LIMA1: variants seen among roughly 807,000 people sequenced by gnomAD.
LIMA1 encodes LIM domain and actin binding 1.
A neutral mutation model predicts 62.6 loss-of-function variants in LIMA1; 52 were observed. That is an observed-to-expected ratio of 0.83 (90% confidence interval 0.67 to 1.05). The LOEUF (loss-of-function observed/expected upper bound fraction) is 1.05, where lower values mean the gene tolerates loss of function less well. Among genes scored for constraint, LIMA1 ranks in the 50% least tolerant of loss-of-function variants. The pLI, the probability that LIMA1 is intolerant of heterozygous loss-of-function variation, is 0.00. For synonymous variants in LIMA1, 302 were observed against 317.8 expected, an observed-to-expected ratio of 0.95 and a Z score of 0.53; for missense variants, 780 against 902.2, an observed-to-expected ratio of 0.86 and a Z score of 1.74.
intron 1 of LIMA1, among the ~76,000 whole-genome samples, chr12:50,258,841 T>G (rs1307207955): frequency 6.6e-6 from 1 of 151,332 alleles, no homozygotes; most frequent in Non-Finnish European, 1.5e-5. Flanking sequence ...AGAGACAGGG[T>G]TTCACCATGT....
intron 6 of LIMA1, among the ~76,000 whole-genome samples, chr12:50,203,290 C>T (rs906153784): frequency 6.6e-5 from 10 of 151,816 alleles, no homozygotes; most frequent in African/African-American, 1.9e-4. Flanking sequence ...GTTGGGATTA[C>T]GGTGTGAGCT....
intron 9 of LIMA1, among the ~76,000 whole-genome samples, chr12:50,183,282 G>A (rs1940547908): frequency 6.6e-6 from 1 of 152,106 alleles, no homozygotes; most frequent in Non-Finnish European, 1.5e-5. Context: ...AGGTGTATGG[G>A]AGTTAACCCT....
At chr12:50,183,703 C>A (rs993142565) in intron 9 of LIMA1, among the ~76,000 whole-genome samples, 1 of 143,672 alleles carries the variant, frequency 7.0e-6, no homozygotes, top group Non-Finnish European at 1.5e-5. Context: ...CCCAGCTACT[C>A]GGGAGGCTGA....
chr12:50,267,886 C>T (rs1052382469), intron 1 of LIMA1, among the ~76,000 whole-genome samples: 3 of 151,988 alleles, frequency 2.0e-5, no homozygotes, highest in African/African-American at 7.3e-5. Context: ...AAACTCCTAG[C>T]CTCAACCTAT....
intron 9 of LIMA1, chr12:50,188,983 T>C (rs1450285278): frequency 1.3e-5 from 2 of 152,210 alleles, no homozygotes; most frequent in African/African-American, 4.8e-5. Context: ...GAGAGGAAAG[T>C]AACCCTGTGG....
intron 4 of LIMA1, among the ~76,000 whole-genome samples, chr12:50,215,363 C>T (rs911798730): frequency 1.3e-5 from 2 of 152,046 alleles, no homozygotes; most frequent in African/African-American, 4.8e-5. Flanking sequence ...TGGGAGTCTA[C>T]GGGGAGAGGT....
At chr12:50,222,705 A>C (rs1941469106) in intron 3 of LIMA1, 1 of 1,463,530 alleles carries the variant, frequency 6.8e-7, no homozygotes, top group African/African-American at 1.4e-5. Context: ...TGAAGCAGGA[A>C]GTGATAAAAC....
chr12:50,257,040 T>A (rs1380969917), intron 1 of LIMA1, among the ~76,000 whole-genome samples: 1 of 152,194 alleles, frequency 6.6e-6, no homozygotes, highest in African/African-American at 2.4e-5. Context: ...CCTTTGTAAT[T>A]CATAAATATT....
chr12:50,182,089 G>C (rs200006579), intron 9 of LIMA1, 52 bp from the exon 10 acceptor site: 1 of 1,598,988 alleles, frequency 6.3e-7, no homozygotes, highest in African/African-American at 1.3e-5. Context: ...AGTTAGCACT[G>C]TCTTGAGATG....
At chr12:50,233,908 A>G (rs975717865) in intron 2 of LIMA1, among the ~76,000 whole-genome samples, 2 of 152,240 alleles carry the variant, frequency 1.3e-5, no homozygotes, top group African/African-American at 4.8e-5. Flanking sequence ...ATTATTTTAC[A>G]TATGCACAAG....
chr12:50,235,841 C>T (rs1362610029), intron 2 of LIMA1, among the ~76,000 whole-genome samples: 1 of 152,014 alleles, frequency 6.6e-6, no homozygotes, highest in African/African-American at 2.4e-5. Context: ...AGGAAAATGA[C>T]AACTGAATAA....
chr12:50,235,642 T>C (rs926504789), intron 2 of LIMA1, among the ~76,000 whole-genome samples: 5 of 152,142 alleles, frequency 3.3e-5, no homozygotes, highest in Admixed American at 6.6e-5. Context: ...TGCTCTGCAA[T>C]TGAGCAGAAC....
chr12:50,208,992 C>T (rs374209211), intron 4 of LIMA1, among the ~76,000 whole-genome samples: 15 of 136,276 alleles, frequency 1.1e-4, no homozygotes, highest in African/African-American at 3.2e-4. Context: ...TTCTTTCTTT[C>T]TTTTTTTTTT....
chr12:50,179,913 C>T (rs1472965848), intron 10 of LIMA1, among the ~76,000 whole-genome samples: 1 of 151,640 alleles, frequency 6.6e-6, no homozygotes, highest in Non-Finnish European at 1.5e-5. Flanking sequence ...AGGTGCAGTC[C>T]CAGCACTTTG....
At chr12:50,273,080 A>ATT (rs112767509) in intron 1 of LIMA1, among the ~76,000 whole-genome samples, 3 of 149,662 alleles carry the variant, frequency 2.0e-5, no homozygotes, top group African/African-American at 7.4e-5. Context: ...GGTTATAAAC[A>ATT]TTTTTTTTTA....
At chr12:50,191,178 C>A (rs1017923934) in intron 9 of LIMA1, among the ~76,000 whole-genome samples, 1 of 147,376 alleles carries the variant, frequency 6.8e-6, no homozygotes, top group African/African-American at 2.5e-5. Context: ...AAGCCATTAT[C>A]TTTAAGGTGA....
intron 2 of LIMA1, among the ~76,000 whole-genome samples, chr12:50,242,740 C>T (rs907877526): frequency 3.3e-5 from 5 of 152,104 alleles, no homozygotes; most frequent in East Asian, 1.9e-4. Flanking sequence ...TGCTGTCTTA[C>T]GCAGAACCTA....
At chr12:50,275,786 G>A (rs764202123) in intron 1 of LIMA1, among the ~76,000 whole-genome samples, 23 of 152,136 alleles carry the variant, frequency 1.5e-4, no homozygotes, top group Non-Finnish European at 2.8e-4. Context: ...GTGCCAGGTG[G>A]GTGGGTCGTG....
In LIMA1 at chr12:50,248,618, A is replaced by G. The variant is rs763128333; in HGVS notation, c.119+15T>C. 6.7e-7 allele frequency: 1 copy of G among 1,502,994 alleles called. No individual in the cohort carries two copies. The highest frequency in any genetic ancestry group is 1.1e-5 in the South Asian group (1 of 88,718). 93.1% of individuals were successfully genotyped at this position (1,502,994 alleles called of 1,614,324 possible). A position where few individuals can be genotyped will look rare whatever the true frequency, so the allele number is the denominator to read the frequency against. ...TCCAGACAGATGGTCCTTTTGGACC[A>G]GGATCAGCACTTACTTGGAGAATAT... On this transcript the variant is annotated intron_variant, in intron 2 of 10. Coordinates refer to ENST00000341247, the MANE Select transcript of LIMA1 (RefSeq NM_016357.5).
Sources: allele counts gnomAD v4.1 joint callset (sites outside exome capture counted in the v4.1 genomes callset), GRCh38; gene constraint gnomAD v4.1.1; transcripts MANE v1.5; gene names NCBI Gene and HGNC (gene_info 2026-07-23, HGNC 2026-07-21).